The following STAG1 variants were observed in gnomAD, a reference collection of about 807,000 sequenced individuals.
STAG1 encodes the protein cohesin subunit SA-1.
STAG1 carries 26 observed loss-of-function variants against 170.9 expected under a neutral mutation model. That is an observed-to-expected ratio of 0.15 (90% CI 0.11 to 0.21). The LOEUF (loss-of-function observed/expected upper bound fraction) is 0.21. Among genes scored for constraint, STAG1 ranks in the 10% least tolerant of loss-of-function variants. The probability of loss-of-function intolerance (pLI) is 1.00; values close to 1 mark genes in which losing one functional copy is unlikely to be tolerated. For synonymous variants in STAG1, 514 were observed against 497.7 expected, an observed-to-expected ratio of 1.03 and a Z score of -0.44; for missense variants, 964 against 1,509.5, an observed-to-expected ratio of 0.64 and a Z score of 5.99.
chr3:136,721,265 A>G (rs1484070025), intron 1 of STAG1: 2 of 152,242 alleles, frequency 1.3e-5, no homozygotes, highest in African/African-American at 4.8e-5. Flanking sequence ...AAAAAAGGGA[A>G]ATAGAAGATT....
At chr3:136,741,665 T>C (rs576641283) in intron 1 of STAG1, among the ~76,000 whole-genome samples, 14 of 152,228 alleles carry the variant, frequency 9.2e-5, no homozygotes, top group African/African-American at 3.4e-4. Context: ...ATGGGGTTTC[T>C]CCACGTTGGT....
intron 3 of STAG1, among the ~76,000 whole-genome samples, chr3:136,620,987 G>C (rs188714709): frequency 6.6e-6 from 1 of 152,278 alleles, no homozygotes; most frequent in Non-Finnish European, 1.5e-5. Flanking sequence ...AATTAGCTGG[G>C]TGTGGTGGCG....
intron 1 of STAG1, among the ~76,000 whole-genome samples, chr3:136,657,465 C>T (rs1269532159): frequency 2.6e-5 from 4 of 152,136 alleles, no homozygotes; most frequent in African/African-American, 9.7e-5. Flanking sequence ...GCTGGGATTA[C>T]AGGCATAAGC....
chr3:136,655,638 C>T (rs559924656), intron 1 of STAG1, among the ~76,000 whole-genome samples: 48 of 152,234 alleles, frequency 3.2e-4, no homozygotes, highest in Middle Eastern at 3.4e-3. Flanking sequence ...CGGCGCATGC[C>T]GGTAGTTCCA....
At chr3:136,418,360 C>A (rs934781654) in intron 20 of STAG1, among the ~76,000 whole-genome samples, 12 of 49,760 alleles carry the variant, frequency 2.4e-4, no homozygotes, top group African/African-American at 1.1e-3. Flanking sequence ...ACTCTGTCTC[C>A]AAAAAAAAAA....
At chr3:136,369,771 G>C (rs1937223057) in intron 23 of STAG1, among the ~76,000 whole-genome samples, 2 of 152,178 alleles carry the variant, frequency 1.3e-5, no homozygotes, top group South Asian at 4.1e-4. Context: ...AAAAATGTCA[G>C]TGTACTACTG....
At position 136,347,752 on chromosome 3, in the gene STAG1, G is replaced by A. The variant is rs533823212; in HGVS notation, c.3271+1406C>T. ...ATAACGTTCAGATAATTTATTGAAT[G>A]CTACCTATGTGCCAAGCACTGTGCT... On this transcript the variant is annotated intron_variant, in intron 29 of 33. Coordinates refer to ENST00000383202, the MANE Select transcript of STAG1 (RefSeq NM_005862.3). Among the ~76,000 whole-genome samples, 6 of 152,310 alleles carry A rather than the reference G, an allele frequency of 3.9e-5. No individual in the cohort carries two copies. The South Asian group carries it at 1.2e-3, about 32-fold the overall frequency.
chr3:136,740,454 A>G (rs1410294458), intron 1 of STAG1, among the ~76,000 whole-genome samples: 1 of 152,146 alleles, frequency 6.6e-6, no homozygotes, highest in African/African-American at 2.4e-5. Context: ...GTTTATTGGC[A>G]TATAGTAAAT....
At chr3:136,582,645 A>G (rs1315593217) in intron 4 of STAG1, among the ~76,000 whole-genome samples, 1 of 152,094 alleles carries the variant, frequency 6.6e-6, no homozygotes, top group African/African-American at 2.4e-5. Context: ...CTAAAACTAC[A>G]AAAATTAGCC....
intron 1 of STAG1, among the ~76,000 whole-genome samples, chr3:136,639,669 C>T (rs1224126020): frequency 6.6e-6 from 1 of 152,096 alleles, no homozygotes; most frequent in Non-Finnish European, 1.5e-5. Context: ...TTTATAAATA[C>T]AACAAAACCT....
chr3:136,528,953 CAAAAAA>C (rs200426088), intron 6 of STAG1, among the ~76,000 whole-genome samples: 1 of 149,038 alleles, frequency 6.7e-6, no homozygotes, highest in African/African-American at 2.5e-5. Flanking sequence ...CAAAACAAAA[CAAAAAA>C]AAACAGAAAA....
intron 5 of STAG1, among the ~76,000 whole-genome samples, chr3:136,551,252 A>AGAGG (rs1936383759): frequency 7.1e-6 from 1 of 140,768 alleles, no homozygotes; most frequent in Non-Finnish European, 1.6e-5. Context: ...AGAGAGAGAG[A>AGAGG]GAGAGAGAGG....
chr3:136,632,715 C>T (rs1026580026), intron 1 of STAG1, among the ~76,000 whole-genome samples: 2 of 151,852 alleles, frequency 1.3e-5, no homozygotes, highest in African/African-American at 4.8e-5. Context: ...ACACGCATGC[C>T]CAAGGCTAAA....
At chr3:136,403,065 T>C (rs1054696654) in intron 21 of STAG1, among the ~76,000 whole-genome samples, 4 of 151,220 alleles carry the variant, frequency 2.6e-5, no homozygotes, top group Admixed American at 2.0e-4. Context: ...CTGTCTCTAC[T>C]AAAAATACAA....
intron 6 of STAG1, among the ~76,000 whole-genome samples, chr3:136,522,450 A>G (rs1934728448): frequency 6.6e-6 from 1 of 152,182 alleles, no homozygotes; most frequent in Non-Finnish European, 1.5e-5. Context: ...GACTAGAAAG[A>G]AAAGATGCTT....
intron 4 of STAG1, among the ~76,000 whole-genome samples, chr3:136,603,235 A>G (rs189712663): frequency 2.6e-5 from 4 of 151,954 alleles, no homozygotes; most frequent in African/African-American, 9.6e-5. Flanking sequence ...TCTGTACCCC[A>G]GGCTGGAGTG....
rs192776502 is a variant in STAG1 at position 136,418,121 on chromosome 3, C to T, written c.2109-149G>A. On this transcript the variant is annotated intron_variant, in intron 20 of 33. Coordinates refer to ENST00000383202, the MANE Select transcript of STAG1 (RefSeq NM_005862.3). ...GTAATCCCAGCACTCTGGAAGGCCG[C>T]GGCTGGCAAATCACTTGAGGTCAGG... 341 of 619,760 alleles carry T rather than the reference C, an allele frequency of 5.5e-4. 1 individual carries two copies. The East Asian group carries it at 6.8e-3, about 12-fold the overall frequency. The allele number at this position is 619,760 out of a possible 1,614,324, so 38.4% of individuals were successfully genotyped here. A position where few individuals can be genotyped will look rare whatever the true frequency, so the allele number is the denominator to read the frequency against.
chr3:136,593,005 C>G (rs1386940390), intron 4 of STAG1, among the ~76,000 whole-genome samples: 3 of 152,164 alleles, frequency 2.0e-5, no homozygotes, highest in Non-Finnish European at 2.9e-5. Context: ...TGGCTCAGGT[C>G]TTCCTTTTCC....
chr3:136,422,705 AC>A (rs2087994404), intron 18 of STAG1, 62 bp downstream of exon 18: 1 of 1,515,370 alleles, frequency 6.6e-7, no homozygotes, highest in Admixed American at 2.0e-5. Context: ...CTATAAGAGT[AC>A]ATGAAAATAA....
Sources: gnomAD v4.1 joint callset for allele counts (sites outside exome capture counted in the v4.1 genomes callset) on GRCh38, gnomAD v4.1.1 for gene constraint, MANE v1.5 for transcripts, NCBI Gene and HGNC (gene_info 2026-07-23, HGNC 2026-07-21) for gene names.